SAMMSON: variants seen among roughly 807,000 people sequenced by gnomAD.
SAMMSON encodes the protein long intergenic non-protein coding RNA 1212.
intron 4 of SAMMSON, among the ~76,000 whole-genome samples, chr3:70,171,611 TC>T (rs1700954671): frequency 9.8e-6 from 1 of 102,220 alleles, no homozygotes; most frequent in Admixed American, 9.6e-5. Context: ...AAAGGCACAG[TC>T]TTTGGGGGGG....
intron 2 of SAMMSON, among the ~76,000 whole-genome samples, chr3:70,402,948 AT>A (rs1372061123): frequency 1.3e-5 from 2 of 152,004 alleles, no homozygotes; most frequent in Non-Finnish European, 2.9e-5. Flanking sequence ...TATTATATAT[AT>A]ATCATGTGTA....
At chr3:70,150,579 T>C (rs560546889) in intron 4 of SAMMSON, among the ~76,000 whole-genome samples, 6 of 152,150 alleles carry the variant, frequency 3.9e-5, no homozygotes, top group Non-Finnish European at 8.8e-5. Context: ...AAATACCATA[T>C]GTTTAAATTT....
intron 3 of SAMMSON, among the ~76,000 whole-genome samples, chr3:70,034,226 T>G (rs1004846634): frequency 6.6e-6 from 1 of 152,170 alleles, no homozygotes; most frequent in African/African-American, 2.4e-5. Flanking sequence ...ATCACCTATA[T>G]TTCCAACACA....
At chr3:70,389,570 A>C (rs971028545) in intron 9 of SAMMSON, 2 of 152,084 alleles carry the variant, frequency 1.3e-5, no homozygotes, top group Non-Finnish European at 2.9e-5. Context: ...CTGTTTACTC[A>C]CAGGGTGTTG....
Position 70,292,888 on chromosome 3 carries a change from C to G in SAMMSON, n.739+1645C>G, listed in dbSNP as rs886276904. Among the ~76,000 whole-genome samples, 3 of 151,764 alleles carry G rather than the reference C, an allele frequency of 2.0e-5. No homozygotes were observed. The South Asian group carries it at 6.2e-4, about 32-fold the overall frequency. On this transcript the variant is annotated intron_variant and non_coding_transcript_variant, in intron 7 of 9. Transcript: ENST00000642114. ...ATAGAAATACTATATAATGAACTTT[C>G]AATAATAGCTTTAGAATATTTATGA...
chr3:70,186,907 G>A (rs529750623), intron 4 of SAMMSON, among the ~76,000 whole-genome samples: 6 of 152,286 alleles, frequency 3.9e-5, no homozygotes, highest in Middle Eastern at 3.4e-3. Context: ...AGTCATAAAC[G>A]TAGTCTCAAT....
At chr3:70,376,560 G>C (rs1304958548) in intron 9 of SAMMSON, among the ~76,000 whole-genome samples, 1 of 152,080 alleles carries the variant, frequency 6.6e-6, no homozygotes, top group Non-Finnish European at 1.5e-5. Context: ...AGGTCCTTCT[G>C]TGACAAAATG....
At chr3:70,063,413 GCTT>G (rs1054633641) in intron 3 of SAMMSON, among the ~76,000 whole-genome samples, 12 of 152,028 alleles carry the variant, frequency 7.9e-5, no homozygotes, top group Non-Finnish European at 1.6e-4. Context: ...CCTTGCTCTT[GCTT>G]GAAGATGCAG....
At chr3:70,233,729 A>G (rs927661563) in intron 4 of SAMMSON, among the ~76,000 whole-genome samples, 2 of 152,214 alleles carry the variant, frequency 1.3e-5, no homozygotes, top group African/African-American at 4.8e-5. Flanking sequence ...AATTTCATGT[A>G]AACTGAATCA....
At chr3:70,389,317 T>G (rs1701023217) in intron 9 of SAMMSON, among the ~76,000 whole-genome samples, 1 of 152,114 alleles carries the variant, frequency 6.6e-6, no homozygotes, top group Non-Finnish European at 1.5e-5. Flanking sequence ...TCTCAAATTT[T>G]TCTTGGCAAG....
At chr3:70,096,350 C>A (rs2067322756) in intron 4 of SAMMSON, among the ~76,000 whole-genome samples, 1 of 152,176 alleles carries the variant, frequency 6.6e-6, no homozygotes, top group Non-Finnish European at 1.5e-5. Flanking sequence ...TTGAGACCAG[C>A]CTGGGCAACA....
At chr3:70,334,051 C>T (rs1035926288) in intron 7 of SAMMSON, among the ~76,000 whole-genome samples, 2 of 152,150 alleles carry the variant, frequency 1.3e-5, no homozygotes, top group African/African-American at 4.8e-5. Flanking sequence ...TGGAAGGTTG[C>T]CTGTGCCTAG....
At chr3:70,333,908 T>C (rs1031405503) in intron 7 of SAMMSON, among the ~76,000 whole-genome samples, 3 of 152,164 alleles carry the variant, frequency 2.0e-5, no homozygotes, top group Non-Finnish European at 4.4e-5. Context: ...TTCTTACATA[T>C]TGGTTGACAA....
At chr3:70,243,939 G>C (rs1182977073) in intron 4 of SAMMSON, among the ~76,000 whole-genome samples, 1 of 152,044 alleles carries the variant, frequency 6.6e-6, no homozygotes, top group Non-Finnish European at 1.5e-5. Flanking sequence ...AGGAGGTAAG[G>C]GTCACCTTTT....
At chr3:70,267,174 G>A (rs1294465977) in intron 6 of SAMMSON, among the ~76,000 whole-genome samples, 1 of 152,046 alleles carries the variant, frequency 6.6e-6, no homozygotes, top group Non-Finnish European at 1.5e-5. Flanking sequence ...TGATTATGTA[G>A]GGATTTTATA....
chr3:70,244,742 A>G (rs1701690789), intron 4 of SAMMSON, among the ~76,000 whole-genome samples: 1 of 152,238 alleles, frequency 6.6e-6, no homozygotes. Flanking sequence ...TATGAATAAA[A>G]TGGTACTTAT....
chr3:70,236,208 C>T (rs1042308766), intron 4 of SAMMSON, among the ~76,000 whole-genome samples: 5 of 152,162 alleles, frequency 3.3e-5, no homozygotes, highest in African/African-American at 9.7e-5. Flanking sequence ...GACTTGGCCC[C>T]TTGTGATCTA....
At chr3:70,019,154 G>A (rs560840369) in intron 3 of SAMMSON, among the ~76,000 whole-genome samples, 6 of 152,224 alleles carry the variant, frequency 3.9e-5, no homozygotes, top group Middle Eastern at 3.4e-3. Context: ...TTTCTGTCTC[G>A]TTGATGTGTC....
At chr3:70,239,155 T>C (rs1407890785) in intron 4 of SAMMSON, among the ~76,000 whole-genome samples, 1 of 152,186 alleles carries the variant, frequency 6.6e-6, no homozygotes, top group Non-Finnish European at 1.5e-5. Flanking sequence ...TTTGCAATAG[T>C]GAAAAGTGGG....
Sources: allele counts gnomAD v4.1 joint callset (sites outside exome capture counted in the v4.1 genomes callset), GRCh38; gene constraint gnomAD v4.1.1; transcripts MANE v1.5; gene names NCBI Gene and HGNC (gene_info 2026-07-23, HGNC 2026-07-21).